TMIGD3: variants seen among roughly 807,000 people sequenced by gnomAD.
TMIGD3 encodes the protein transmembrane and immunoglobulin domain containing 3.
TMIGD3 carries 21 observed loss-of-function variants against 28.1 expected under a neutral mutation model. The observed-to-expected ratio is 0.75, with a 90% CI of 0.53 to 1.08. The LOEUF is 1.08. Ranked by LOEUF, TMIGD3 falls within the 50% of genes least tolerant of loss-of-function variation. The probability of loss-of-function intolerance (pLI) is 0.00; values close to 1 mark genes in which losing one functional copy is unlikely to be tolerated. For missense variants in TMIGD3, 416 were observed against 435.6 expected, an observed-to-expected ratio of 0.96 and a Z score of 0.40; for synonymous variants, 151 against 162.1, an observed-to-expected ratio of 0.93 and a Z score of 0.52.
intron 1 of TMIGD3, among the ~76,000 whole-genome samples, chr1:111,523,829 T>G (rs1422205575): frequency 1.3e-5 from 2 of 152,006 alleles, no homozygotes; most frequent in African/African-American, 2.4e-5. Flanking sequence ...TTGATATTAT[T>G]AATTTAGTCT....
chr1:111,561,478 T>A (rs910135568), intron 1 of TMIGD3, among the ~76,000 whole-genome samples: 1 of 151,988 alleles, frequency 6.6e-6, no homozygotes, highest in African/African-American at 2.4e-5. Flanking sequence ...ATTATTAACA[T>A]GTGACACAGA....
intron 1 of TMIGD3, among the ~76,000 whole-genome samples, chr1:111,492,381 G>A (rs1654704758): frequency 6.6e-6 from 1 of 152,220 alleles, no homozygotes; most frequent in South Asian, 2.1e-4. Context: ...ATATTTTTAA[G>A]AGGCAGTCCT....
At chr1:111,506,954 CAT>C (rs66516240), upstream of TMIGD3, among the ~76,000 whole-genome samples, 75,201 of 143,100 alleles carry the variant, frequency 0.53, 20,056 homozygotes, top group South Asian at 0.66. Context: ...TATACACACA[CAT>C]ATATATATAC....
intron 1 of TMIGD3, among the ~76,000 whole-genome samples, chr1:111,495,263 AT>A (rs1654839605): frequency 2.0e-5 from 3 of 152,228 alleles, no homozygotes; most frequent in Admixed American, 2.0e-4. Context: ...ACTTAAACAA[AT>A]TTACAAGAAA....
At chr1:111,519,983 G>A (rs567334484) in intron 1 of TMIGD3, among the ~76,000 whole-genome samples, 2 of 152,234 alleles carry the variant, frequency 1.3e-5, no homozygotes, top group East Asian at 1.9e-4. Flanking sequence ...GTGAGCCACC[G>A]TACCTGGCTG....
upstream of TMIGD3, among the ~76,000 whole-genome samples, chr1:111,505,551 C>T (rs1004012442): frequency 2.0e-5 from 3 of 152,306 alleles, no homozygotes; most frequent in South Asian, 6.2e-4. Flanking sequence ...AGGACTTTCA[C>T]AGTCACTTAA....
chr1:111,513,597 C>T (rs1655763513), intron 1 of TMIGD3, among the ~76,000 whole-genome samples: 1 of 152,184 alleles, frequency 6.6e-6, no homozygotes, highest in South Asian at 2.1e-4. Context: ...TCATTCTGTC[C>T]TTGTCCCTCT....
chr1:111,509,252 T>C (rs936040658), intron 1 of TMIGD3, among the ~76,000 whole-genome samples: 5 of 152,330 alleles, frequency 3.3e-5, no homozygotes, highest in Admixed American at 3.3e-4. Context: ...TTGGCACCTG[T>C]CAACCTCTGA....
chr1:111,492,813 C>CAA (rs34093957), intron 1 of TMIGD3, among the ~76,000 whole-genome samples: 3 of 103,248 alleles, frequency 2.9e-5, no homozygotes, highest in Non-Finnish European at 4.1e-5. Flanking sequence ...GATGCTGTCT[C>CAA]AAAAAAAAAA....
chr1:111,551,929 A>G (rs533043745), intron 1 of TMIGD3, among the ~76,000 whole-genome samples: 86 of 152,362 alleles, frequency 5.6e-4, no homozygotes, highest in African/African-American at 1.9e-3. Context: ...TTTCTTGAGC[A>G]TGTGAACAGT....
At chr1:111,520,141 T>C (rs954971882) in intron 1 of TMIGD3, among the ~76,000 whole-genome samples, 14 of 152,210 alleles carry the variant, frequency 9.2e-5, no homozygotes, top group African/African-American at 3.4e-4. Flanking sequence ...TAATAGTAAA[T>C]TCTGCAGGAA....
chr1:111,531,789 C>A (rs1030123669), intron 1 of TMIGD3, among the ~76,000 whole-genome samples: 8 of 152,032 alleles, frequency 5.3e-5, no homozygotes, highest in Non-Finnish European at 1.5e-5. Context: ...TGAGCTTAAG[C>A]GATCCTACTG....
At position 111,516,839 on chromosome 1, in the gene TMIGD3, C is replaced by G. The variant is rs943961675; in HGVS notation, c.108-26077G>C. Among the ~76,000 whole-genome samples, 4 of 152,338 alleles carry G rather than the reference C, an allele frequency of 2.6e-5. No individual in the cohort carries two copies. The South Asian group carries it at 8.3e-4, about 32-fold the overall frequency. On this transcript the variant is annotated intron_variant, in intron 1 of 5. Transcript: ENST00000369717. ...AATCCACAAAACAACACTTGTTCCA[C>G]GGCCCCAGCCCTGAGTGTTGATGGG...
intron 1 of TMIGD3, among the ~76,000 whole-genome samples, chr1:111,529,913 G>T (rs1175467938): frequency 6.7e-6 from 1 of 148,206 alleles, no homozygotes; most frequent in African/African-American, 2.6e-5. Flanking sequence ...GGCTGGCCGG[G>T]CAGAGGGGCT....
At chr1:111,532,607 T>C (rs1656493908) in intron 1 of TMIGD3, among the ~76,000 whole-genome samples, 1 of 151,952 alleles carries the variant, frequency 6.6e-6, no homozygotes, top group Non-Finnish European at 1.5e-5. Flanking sequence ...CTGGGCAACA[T>C]AGAGAGATCC....
At chr1:111,521,173 G>C (rs1466326778) in intron 1 of TMIGD3, among the ~76,000 whole-genome samples, 1 of 151,962 alleles carries the variant, frequency 6.6e-6, no homozygotes, top group Non-Finnish European at 1.5e-5. Context: ...ATCGTAATTT[G>C]CTTGTGCATT....
rs768692895 is a variant in TMIGD3 at position 111,488,722 on chromosome 1, T to G, written c.760A>C (p.Thr254Pro). The G allele has an allele frequency of 6.2e-7, 1 of 1,614,186 alleles. No homozygotes were observed. The highest frequency in any genetic ancestry group is 1.7e-5 in the Admixed American group (1 of 60,022). The change falls in exon 3 of 6, where the codon ACT (threonine) becomes CCT (proline). Residue 254 changes from threonine to proline, a missense_variant. Physicochemically the swap from Thr to Pro is conservative, Grantham distance 38. Coordinates refer to ENST00000369716, the MANE Select transcript of TMIGD3 (RefSeq NM_020683.7). ...DDMDFTELIV[T>P]DDKGTLANDF... is the part of the protein sequence containing the mutation. ...TTGGCCAGGGTTCCTTTGTCGTCAGTTACAATCAGCTCTGTAAAATCCATG... is the reference window on the plus strand; with the variant it reads ...TTGGCCAGGGTTCCTTTGTCGTCAGGTACAATCAGCTCTGTAAAATCCATG...
intron 1 of TMIGD3, among the ~76,000 whole-genome samples, chr1:111,492,720 A>G (rs1319364372): frequency 6.6e-6 from 1 of 151,654 alleles, no homozygotes; most frequent in Non-Finnish European, 1.5e-5. Context: ...AGGCTGAGGC[A>G]GGAGAATCGC....
intron 1 of TMIGD3, among the ~76,000 whole-genome samples, chr1:111,546,312 T>C (rs1186014045): frequency 6.6e-6 from 1 of 152,184 alleles, no homozygotes; most frequent in Non-Finnish European, 1.5e-5. Context: ...TACAGCTCAG[T>C]GGCATTAAGT....
Sources: allele counts gnomAD v4.1 joint callset (sites outside exome capture counted in the v4.1 genomes callset), GRCh38; gene constraint gnomAD v4.1.1; transcripts MANE v1.5; gene names NCBI Gene and HGNC (gene_info 2026-07-23, HGNC 2026-07-21).